EHBP1: variants seen among roughly 807,000 people sequenced by gnomAD.
EHBP1 encodes EH domain binding protein 1.
In EHBP1, 55 loss-of-function variants were observed where a neutral mutation model predicts 144.0. That is an observed-to-expected ratio of 0.38 (90% confidence interval 0.31 to 0.48). The LOEUF (loss-of-function observed/expected upper bound fraction) is 0.48. Among genes scored for constraint, EHBP1 ranks in the 20% least tolerant of loss-of-function variants. EHBP1 has a pLI of 0.98. For synonymous variants in EHBP1, 469 were observed against 472.7 expected (o/e 0.99, Z 0.10); for missense variants, 1,200 against 1,364.2 (o/e 0.88, Z 1.90).
intron 15 of EHBP1, among the ~76,000 whole-genome samples, chr2:62,989,212 A>G (rs2059316521): frequency 6.6e-6 from 1 of 152,064 alleles, no homozygotes; most frequent in South Asian, 2.1e-4. Context: ...TTTTTTTAAA[A>G]AAACATTTTT....
chr2:63,043,423 G>C (rs1054295850), intron 21 of EHBP1, among the ~76,000 whole-genome samples: 1 of 152,038 alleles, frequency 6.6e-6, no homozygotes, highest in Non-Finnish European at 1.5e-5. Context: ...TAAAGTATTT[G>C]TGTGGTTTTA....
intron 19 of EHBP1, among the ~76,000 whole-genome samples, chr2:63,037,174 A>T (rs1260124270): frequency 6.6e-6 from 1 of 151,862 alleles, no homozygotes; most frequent in East Asian, 1.9e-4. Context: ...TCTCATAATG[A>T]TTTTTTAATT....
upstream of EHBP1, among the ~76,000 whole-genome samples, chr2:62,701,726 C>A (rs752653005): frequency 2.6e-5 from 4 of 152,074 alleles, no homozygotes; most frequent in Non-Finnish European, 5.9e-5. Flanking sequence ...AAAGTATTGG[C>A]CTGCCACAGT....
intron 7 of EHBP1, among the ~76,000 whole-genome samples, chr2:62,841,161 T>TA: frequency 6.6e-6 from 1 of 152,016 alleles, no homozygotes; most frequent in South Asian, 2.1e-4. Context: ...TATGCAGCCA[T>TA]AAAAAAGGGT....
At chr2:62,740,765 G>A (rs552008791) in intron 2 of EHBP1, among the ~76,000 whole-genome samples, 29 of 152,120 alleles carry the variant, frequency 1.9e-4, no homozygotes, top group Middle Eastern at 3.4e-3. Flanking sequence ...TTTAATTTAG[G>A]AAAAGCTTGG....
At chr2:62,997,563 C>G (rs1182989355) in intron 19 of EHBP1, among the ~76,000 whole-genome samples, 2 of 150,280 alleles carry the variant, frequency 1.3e-5, no homozygotes, top group Non-Finnish European at 3.0e-5. Flanking sequence ...GAAAAAAAGT[C>G]AAAAAATACA....
At position 62,937,929 on chromosome 2, in the gene EHBP1, C is replaced by T. The variant is rs150585980; in HGVS notation, c.1186-4789C>T. ...CGATGCTATGACATGGGTTGGTTAC[C>T]GAGGGGGGATTTGGAAGAAGAAAGA... On this transcript the variant is annotated intron_variant, in intron 10 of 22. Coordinates refer to ENST00000431489, the MANE Select transcript of EHBP1 (RefSeq NM_001142616.3). Among the ~76,000 whole-genome samples the T allele has an allele frequency of 1.9e-3, 290 of 151,984 alleles. 1 individual carries two copies. The highest frequency in any genetic ancestry group is 6.8e-3 in the Middle Eastern group (2 of 294).
At chr2:62,737,212 G>C (rs956379864) in intron 2 of EHBP1, among the ~76,000 whole-genome samples, 1 of 152,158 alleles carries the variant, frequency 6.6e-6, no homozygotes, top group Admixed American at 6.5e-5. Flanking sequence ...GTCAGGCCTC[G>C]TTAAGAAAAG....
chr2:62,971,198 T>C (rs143077336), intron 14 of EHBP1, among the ~76,000 whole-genome samples: 1 of 152,302 alleles, frequency 6.6e-6, no homozygotes, highest in East Asian at 1.9e-4. Context: ...CCATCTTTAT[T>C]TGAATATTTC....
intron 10 of EHBP1, among the ~76,000 whole-genome samples, chr2:62,911,020 C>T (rs746668423): frequency 6.6e-6 from 1 of 152,106 alleles, no homozygotes; most frequent in African/African-American, 2.4e-5. Context: ...GGCTTTCATA[C>T]GATGTTCTTT....
chr2:62,962,743 A>G (rs1221334948), intron 14 of EHBP1, among the ~76,000 whole-genome samples: 1 of 152,258 alleles, frequency 6.6e-6, no homozygotes, highest in African/African-American at 2.4e-5. Flanking sequence ...CATAATGATC[A>G]GTGAATTTAT....
Position 62,974,741 on chromosome 2 carries a change from G to A in EHBP1, c.2461-4447G>A, listed in dbSNP as rs149727801. Among the ~76,000 whole-genome samples the A allele has an allele frequency of 3.2e-3, 481 of 152,214 alleles. 4 individuals carry two copies. The highest frequency in any genetic ancestry group is 0.011 in the African/African-American group (444 of 41,528). The stretch of plus-strand genomic sequence containing the variant: ...TGCTTCATATCAAAAAACATATAGC[G>A]TATGATTGACCCAACATTAATGCTG... On this transcript the variant is annotated intron_variant, in intron 14 of 22. Coordinates refer to ENST00000431489, the MANE Select transcript of EHBP1 (RefSeq NM_001142616.3).
chr2:62,761,514 C>T (rs1469430659), intron 3 of EHBP1, among the ~76,000 whole-genome samples: 4 of 152,192 alleles, frequency 2.6e-5, no homozygotes, highest in Non-Finnish European at 5.9e-5. Context: ...TAATCTTGAT[C>T]CCTTCTCGGT....
At chr2:62,884,114 G>T (rs2051712241) in intron 10 of EHBP1, among the ~76,000 whole-genome samples, 1 of 152,164 alleles carries the variant, frequency 6.6e-6, no homozygotes, top group African/African-American at 2.4e-5. Flanking sequence ...TATGCACATA[G>T]ACATATGGTC....
chr2:62,905,980 T>C (rs1443800454), intron 10 of EHBP1, among the ~76,000 whole-genome samples: 1 of 151,974 alleles, frequency 6.6e-6, no homozygotes, highest in Non-Finnish European at 1.5e-5. Context: ...GATTTTTAAT[T>C]CACAAGAGAT....
At chr2:62,879,124 A>G (rs2051146235) in intron 10 of EHBP1, among the ~76,000 whole-genome samples, 1 of 152,182 alleles carries the variant, frequency 6.6e-6, no homozygotes, top group Non-Finnish European at 1.5e-5. Flanking sequence ...CAAACTAGGT[A>G]TTAAAGGAAC....
At chr2:62,783,731 C>T (rs1207395451) in intron 5 of EHBP1, among the ~76,000 whole-genome samples, 1 of 152,174 alleles carries the variant, frequency 6.6e-6, no homozygotes, top group South Asian at 2.1e-4. Flanking sequence ...CCATTTTTCC[C>T]TTCCAGGCCT....
chr2:62,963,563 C>T (rs939873812), intron 14 of EHBP1, among the ~76,000 whole-genome samples: 2 of 152,118 alleles, frequency 1.3e-5, no homozygotes, highest in Admixed American at 1.3e-4. Flanking sequence ...TAGATAGCTT[C>T]TTAGGAATCA....
intron 5 of EHBP1, among the ~76,000 whole-genome samples, chr2:62,789,037 T>C (rs924106863): frequency 1.3e-5 from 2 of 152,236 alleles, no homozygotes; most frequent in African/African-American, 4.8e-5. Flanking sequence ...TTAGTGATCA[T>C]GAAGAGTTAA....
Sources: allele counts gnomAD v4.1 joint callset (sites outside exome capture counted in the v4.1 genomes callset), GRCh38; gene constraint gnomAD v4.1.1; transcripts MANE v1.5; gene names NCBI Gene and HGNC (gene_info 2026-07-23, HGNC 2026-07-21).